BZW2: variants seen among roughly 807,000 people sequenced by gnomAD.
The protein encoded by BZW2 is eIF5-mimic protein 1.
A neutral mutation model predicts 53.2 loss-of-function variants in BZW2; 23 were observed. The ratio of observed to expected loss-of-function variants is 0.43; its 90% CI spans 0.31 to 0.61. The LOEUF (loss-of-function observed/expected upper bound fraction) is 0.61. Among genes scored for constraint, BZW2 ranks in the 20% least tolerant of loss-of-function variants. The pLI is 0.09. For synonymous variants in BZW2, 227 were observed against 186.4 expected, an observed-to-expected ratio of 1.22 and a Z score of -1.77; for missense variants, 409 against 503.1, an observed-to-expected ratio of 0.81 and a Z score of 1.79.
intron 2 of BZW2, among the ~76,000 whole-genome samples, chr7:16,671,089 C>T (rs1782583423): frequency 6.6e-6 from 1 of 152,158 alleles, no homozygotes; most frequent in African/African-American, 2.4e-5. Flanking sequence ...TATGCATGCA[C>T]ATAGTATGGC....
chr7:16,693,412 T>A (rs1248961009), intron 7 of BZW2, among the ~76,000 whole-genome samples: 3 of 152,226 alleles, frequency 2.0e-5, no homozygotes, highest in Non-Finnish European at 4.4e-5. Flanking sequence ...AATGGCATAT[T>A]GCTCTGAACA....
chr7:16,672,479 A>G (rs1276475076), intron 2 of BZW2, among the ~76,000 whole-genome samples: 1 of 151,652 alleles, frequency 6.6e-6, no homozygotes, highest in Non-Finnish European at 1.5e-5. Context: ...TTTTTATAGT[A>G]TTCTCTTCCC....
intron 6 of BZW2, among the ~76,000 whole-genome samples, chr7:16,688,314 A>G (rs975715946): frequency 1.3e-4 from 20 of 152,306 alleles, no homozygotes; most frequent in Admixed American, 5.2e-4. Context: ...TCTAGTTGTT[A>G]TAAGATGCCT....
intron 3 of BZW2, among the ~76,000 whole-genome samples, chr7:16,681,096 T>C (rs1435686733): frequency 1.3e-5 from 2 of 151,920 alleles, no homozygotes; most frequent in Admixed American, 1.3e-4. Flanking sequence ...GGTGACAGAG[T>C]GTGACTCCAT....
At chr7:16,663,099 G>C (rs1782315376) in intron 1 of BZW2, among the ~76,000 whole-genome samples, 1 of 152,198 alleles carries the variant, frequency 6.6e-6, no homozygotes, top group African/African-American at 2.4e-5. Flanking sequence ...AACTTTTGCA[G>C]TGAATATAAA....
intron 7 of BZW2, among the ~76,000 whole-genome samples, chr7:16,694,219 A>C (rs574740919): frequency 6.6e-6 from 1 of 152,332 alleles, no homozygotes; most frequent in Non-Finnish European, 1.5e-5. Flanking sequence ...CATCAGAATT[A>C]TGTAATAAAC....
intron 5 of BZW2, 30 bp from the exon 6 acceptor site, chr7:16,685,875 T>C (rs1286297678): frequency 4.2e-6 from 6 of 1,432,380 alleles, no homozygotes; most frequent in East Asian, 5.3e-5. Context: ...TTTTTCTTTT[T>C]CTTTTTTTTT....
intron 7 of BZW2, among the ~76,000 whole-genome samples, chr7:16,694,489 C>T (rs1206028200): frequency 2.0e-5 from 3 of 151,956 alleles, no homozygotes; most frequent in African/African-American, 4.8e-5. Flanking sequence ...GCCACCAGGT[C>T]CCCTCCCAAC....
chr7:16,673,038 C>T (rs909178123), intron 2 of BZW2, among the ~76,000 whole-genome samples: 4 of 152,052 alleles, frequency 2.6e-5, no homozygotes, highest in African/African-American at 7.2e-5. Context: ...CTCCGCCTCC[C>T]GGGTTCAAGT....
At chr7:16,702,498 A>T (rs1238892161) in intron 10 of BZW2, among the ~76,000 whole-genome samples, 2 of 152,180 alleles carry the variant, frequency 1.3e-5, no homozygotes, top group African/African-American at 4.8e-5. Flanking sequence ...GTAACTTAAG[A>T]ATATCAAGGC....
intron 6 of BZW2, among the ~76,000 whole-genome samples, chr7:16,688,266 A>T (rs1783193313): frequency 6.6e-6 from 1 of 152,342 alleles, no homozygotes; most frequent in East Asian, 1.9e-4. Context: ...TCCTGTTATC[A>T]TTCATAGCAT....
chr7:16,651,844 A>G (rs1312674419), intron 1 of BZW2, among the ~76,000 whole-genome samples: 5 of 152,208 alleles, frequency 3.3e-5, no homozygotes, highest in Admixed American at 2.6e-4. Flanking sequence ...TGCTAATTCA[A>G]TTTATCCAAG....
intron 4 of BZW2, among the ~76,000 whole-genome samples, chr7:16,682,565 ATTTGT>A (rs1302148354): frequency 6.6e-6 from 1 of 151,974 alleles, no homozygotes; most frequent in Non-Finnish European, 1.5e-5. Context: ...TCTTGAATGA[ATTTGT>A]TTTATCTTAC....
At chr7:16,696,552 G>T (rs1195058056) in intron 8 of BZW2, among the ~76,000 whole-genome samples, 3 of 152,070 alleles carry the variant, frequency 2.0e-5, no homozygotes, top group Non-Finnish European at 4.4e-5. Flanking sequence ...TGGGATAAAA[G>T]TTCACAACGC....
At chr7:16,667,732 A>G (rs1782474409) in intron 2 of BZW2, among the ~76,000 whole-genome samples, 3 of 152,222 alleles carry the variant, frequency 2.0e-5, no homozygotes, top group Non-Finnish European at 4.4e-5. Flanking sequence ...AAGTGACCGG[A>G]AAATAGTTAC....
Position 16,670,908 on chromosome 7 carries a change from C to T in BZW2, c.59-3504C>T, listed in dbSNP as rs141496618. On this transcript the variant is annotated intron_variant, in intron 2 of 11. Coordinates refer to ENST00000258761, the MANE Select transcript of BZW2 (RefSeq NM_014038.3). ...TTATGTGTGTCTTTATGGTATCTCA[C>T]GCTGCGTGACTCTGACTGGTACTGG... Among the ~76,000 whole-genome samples the T allele has an allele frequency of 2.0e-3, 298 of 152,260 alleles. 1 individual carries two copies. The highest frequency in any genetic ancestry group is 0.017 in the East Asian group (86 of 5,180).
intron 1 of BZW2, among the ~76,000 whole-genome samples, chr7:16,659,098 T>C (rs1782188795): frequency 6.7e-6 from 1 of 150,076 alleles, no homozygotes; most frequent in African/African-American, 2.4e-5. Flanking sequence ...TCTTAAAAAC[T>C]AAAAAAAAAC....
chr7:16,656,837 C>G (rs1222233028), intron 1 of BZW2, among the ~76,000 whole-genome samples: 1 of 152,104 alleles, frequency 6.6e-6, no homozygotes, highest in African/African-American at 2.4e-5. Context: ...GGGTTATTAG[C>G]TATTATCCTT....
intron 8 of BZW2, among the ~76,000 whole-genome samples, 195 bp from the exon 9 acceptor site, chr7:16,696,720 A>G (rs17683330): frequency 0.36 from 54,165 of 152,016 alleles, 10,189 homozygotes; most frequent in Non-Finnish European, 0.42. Flanking sequence ...TTTGGGACTA[A>G]AAATAAATTT....
Sources: allele counts gnomAD v4.1 joint callset (sites outside exome capture counted in the v4.1 genomes callset), GRCh38; gene constraint gnomAD v4.1.1; transcripts MANE v1.5; gene names NCBI Gene and HGNC (gene_info 2026-07-23, HGNC 2026-07-21).